LRBA: variants seen among roughly 807,000 people sequenced by gnomAD.
LRBA encodes the protein lipopolysaccharide-responsive and beige-like anchor protein.
Under a neutral mutation model 330.0 loss-of-function variants are expected in LRBA, and 176 were observed. The ratio of observed to expected loss-of-function variants is 0.53; its 90% CI spans 0.47 to 0.60. The LOEUF (loss-of-function observed/expected upper bound fraction) is 0.60, where lower values mean the gene tolerates loss of function less well. LRBA is among the 20% of genes least tolerant of loss of function. The pLI, the probability that LRBA is intolerant of heterozygous loss-of-function variation, is 0.00. For missense variants in LRBA, 3,259 were observed against 3,444.8 expected (o/e 0.95, Z 1.35); for synonymous variants, 1,230 against 1,193.0 (o/e 1.03, Z -0.64).
chr4:150,799,930 A>G (rs1413344223), intron 33 of LRBA, among the ~76,000 whole-genome samples: 1 of 152,154 alleles, frequency 6.6e-6, no homozygotes, highest in Non-Finnish European at 1.5e-5. Flanking sequence ...GTTTTAGTAG[A>G]GACGGAGTTT....
At chr4:150,952,346 T>G (rs532830233) in intron 2 of LRBA, among the ~76,000 whole-genome samples, 4 of 152,094 alleles carry the variant, frequency 2.6e-5, no homozygotes, top group Admixed American at 2.0e-4. Flanking sequence ...ATGTGTAGGA[T>G]GTATATGGGT....
chr4:150,588,936 C>T (rs942867781), intron 39 of LRBA, among the ~76,000 whole-genome samples: 4 of 151,854 alleles, frequency 2.6e-5, no homozygotes, highest in Non-Finnish European at 5.9e-5. Context: ...CTACTGAAAA[C>T]AATAGATTCA....
chr4:150,797,979 T>C (rs1453792903), intron 34 of LRBA, 102 bp downstream of exon 34: 5 of 737,750 alleles, frequency 6.8e-6, no homozygotes, highest in Non-Finnish European at 1.2e-5. Context: ...ACTCACAATT[T>C]TATTATACCA....
Position 150,524,806 on chromosome 4 carries a change from C to A in LRBA, c.6331-33771G>T, listed in dbSNP as rs564670105. On this transcript the variant is annotated intron_variant, in intron 40 of 56. Transcript: ENST00000651943. ...GAAATTTAAAAATATTAATTAGATG[C>A]CAAGGTTTTCTCATAAATTACTATT... is the stretch of plus-strand genomic sequence containing the variant. 4.6e-5 allele frequency among the ~76,000 whole-genome samples: 7 copies of A among 152,116 alleles called. No individual in the cohort carries two copies. In the East Asian group the frequency reaches 1.4e-3, roughly 29 times the overall value.
chr4:150,354,144 C>T lies in LRBA; in HGVS notation c.7195-3985G>A, dbSNP rs187342510. Among the ~76,000 whole-genome samples the T allele has an allele frequency of 1.5e-3, 228 of 152,058 alleles. 1 individual carries two copies. Among genetic ancestry groups the T allele is most frequent in the African/African-American group, 5.2e-3 (216 of 41,464 alleles). ...ACAGAATGTAATTCAAAATGGAATA[C>T]CCTGAGGTTGCCTTTTATAACTCCC... On this transcript the variant is annotated intron_variant, in intron 47 of 56. Coordinates refer to ENST00000651943, the MANE Select transcript of LRBA (RefSeq NM_001364905.1).
At chr4:150,722,343 T>C (rs576370846) in intron 36 of LRBA, among the ~76,000 whole-genome samples, 1 of 152,052 alleles carries the variant, frequency 6.6e-6, no homozygotes, top group Non-Finnish European at 1.5e-5. Context: ...ATGCAGCCAA[T>C]TAAGAACTGA....
At chr4:150,730,014 TAAATC>T (rs1190069071) in intron 36 of LRBA, among the ~76,000 whole-genome samples, 1 of 152,264 alleles carries the variant, frequency 6.6e-6, no homozygotes, top group East Asian at 1.9e-4. Flanking sequence ...ATTAAAGACT[TAAATC>T]TAAGACTTCA....
chr4:150,813,468 C>A (rs1578866452), intron 31 of LRBA, among the ~76,000 whole-genome samples: 1 of 151,974 alleles, frequency 6.6e-6, no homozygotes, highest in East Asian at 1.9e-4. Flanking sequence ...GAAATTTGTA[C>A]ACCAAAAAAG....
intron 37 of LRBA, among the ~76,000 whole-genome samples, chr4:150,655,608 T>C (rs1399328220): frequency 6.6e-6 from 1 of 152,230 alleles, no homozygotes; most frequent in Non-Finnish European, 1.5e-5. Context: ...TCAATGGGCA[T>C]TGACTGAAAA....
intron 29 of LRBA, among the ~76,000 whole-genome samples, chr4:150,831,600 C>A (rs1747198401): frequency 6.6e-6 from 1 of 152,184 alleles, no homozygotes; most frequent in South Asian, 2.1e-4. Flanking sequence ...TTCTGACTTA[C>A]ATTTAATTAG....
intron 44 of LRBA, among the ~76,000 whole-genome samples, chr4:150,445,392 T>C (rs866551730): frequency 0.016 from 2,017 of 127,746 alleles, 26 homozygotes; most frequent in Non-Finnish European, 0.024. Flanking sequence ...TATATATATA[T>C]ATATATATAT....
intron 2 of LRBA, among the ~76,000 whole-genome samples, chr4:151,007,730 G>A (rs997680130): frequency 3.4e-5 from 5 of 147,104 alleles, no homozygotes; most frequent in South Asian, 2.2e-4. Context: ...GGTGGCGGGC[G>A]CCTGTAGTCC....
intron 2 of LRBA, among the ~76,000 whole-genome samples, chr4:150,979,505 A>G (rs917502256): frequency 3.9e-5 from 6 of 152,224 alleles, no homozygotes; most frequent in South Asian, 2.1e-4. Context: ...CAATAACACC[A>G]TAACTTGGGC....
intron 40 of LRBA, chr4:150,582,799 C>G (rs1230424671): frequency 1.3e-5 from 6 of 466,232 alleles, no homozygotes; most frequent in Non-Finnish European, 2.2e-5. Flanking sequence ...ATCACCTTTT[C>G]TCCCCTAATT....
At chr4:150,821,107 C>A (rs891622693) in intron 30 of LRBA, among the ~76,000 whole-genome samples, 25 of 152,020 alleles carry the variant, frequency 1.6e-4, no homozygotes, top group Admixed American at 1.6e-3. Flanking sequence ...AAATTGAAAT[C>A]TTTTTTAATG....
At chr4:150,388,431 C>T (rs1231300330) in intron 47 of LRBA, among the ~76,000 whole-genome samples, 4 of 152,182 alleles carry the variant, frequency 2.6e-5, no homozygotes, top group African/African-American at 9.7e-5. Context: ...ATTCCAAGGT[C>T]AACTCTAAAG....
chr4:150,880,434 C>G (rs72719665), intron 17 of LRBA, among the ~76,000 whole-genome samples: 1 of 151,412 alleles, frequency 6.6e-6, no homozygotes, highest in Non-Finnish European at 1.5e-5. Flanking sequence ...GTGGGAAGAT[C>G]GCTTCAGATG....
intron 36 of LRBA, among the ~76,000 whole-genome samples, chr4:150,694,474 A>AAAAAAAAAAAAAAAAAAAC: frequency 3.3e-5 from 5 of 150,096 alleles, no homozygotes; most frequent in Non-Finnish European, 7.4e-5. Flanking sequence ...AAAAAAAAAA[A>AAAAAAAAAAAAAAAAAAAC]AAGCTATCTA....
At chr4:150,853,112 T>C (rs932445690) in intron 22 of LRBA, among the ~76,000 whole-genome samples, 169 bp from the exon 23 acceptor site, 13 of 152,182 alleles carry the variant, frequency 8.5e-5, no homozygotes, top group African/African-American at 3.1e-4. Context: ...CACAGAAATC[T>C]AAATATTCAT....
Sources: allele counts gnomAD v4.1 joint callset (sites outside exome capture counted in the v4.1 genomes callset), GRCh38; gene constraint gnomAD v4.1.1; transcripts MANE v1.5; gene names NCBI Gene and HGNC (gene_info 2026-07-23, HGNC 2026-07-21).